Variants in LPAR3 observed in about 807,000 individuals in gnomAD.
LPAR3 encodes the protein lysophosphatidic acid receptor 3.
A neutral mutation model predicts 17.8 loss-of-function variants in LPAR3; 7 were observed. The ratio of observed to expected loss-of-function variants is 0.39; its 90% CI spans 0.22 to 0.74. LPAR3 has a LOEUF of 0.74. Ranked by LOEUF, LPAR3 falls within the 30% of genes least tolerant of loss-of-function variation. The probability of loss-of-function intolerance (pLI) is 0.40; values close to 1 mark genes in which losing one functional copy is unlikely to be tolerated. For missense variants in LPAR3, 391 were observed against 453.4 expected (o/e 0.86, Z 1.25); for synonymous variants, 179 against 179.9 (o/e 0.99, Z 0.04).
intron 2 of LPAR3, among the ~76,000 whole-genome samples, chr1:84,833,181 T>C (rs1264816249): frequency 6.6e-6 from 1 of 152,194 alleles, no homozygotes; most frequent in Non-Finnish European, 1.5e-5. Flanking sequence ...ATCATGACAC[T>C]CAAATAACAA....
At chr1:84,829,890 C>T (rs1188158644) in intron 2 of LPAR3, among the ~76,000 whole-genome samples, 1 of 152,072 alleles carries the variant, frequency 6.6e-6, no homozygotes, top group African/African-American at 2.4e-5. Flanking sequence ...AAAGCAAGGA[C>T]AGACAGGGCA....
At chr1:84,841,911 AAAAG>A (rs1218944470) in intron 2 of LPAR3, among the ~76,000 whole-genome samples, 3 of 152,208 alleles carry the variant, frequency 2.0e-5, no homozygotes, top group Admixed American at 6.5e-5. Flanking sequence ...GAAAATTTGC[AAAAG>A]AAAGAAAGAG....
chr1:84,834,789 T>G (rs1659364401), intron 2 of LPAR3, among the ~76,000 whole-genome samples: 1 of 152,146 alleles, frequency 6.6e-6, no homozygotes, highest in South Asian at 2.1e-4. Context: ...TCTTACAGGG[T>G]GCCTATCTAT....
intron 2 of LPAR3, among the ~76,000 whole-genome samples, chr1:84,861,893 C>G (rs1050292715): frequency 6.6e-6 from 1 of 152,146 alleles, no homozygotes; most frequent in African/African-American, 2.4e-5. Context: ...AATACCACAC[C>G]TGCCAAAACC....
chr1:84,868,671 C>G (rs1409445249), intron 1 of LPAR3, among the ~76,000 whole-genome samples: 1 of 151,994 alleles, frequency 6.6e-6, no homozygotes, highest in Non-Finnish European at 1.5e-5. Flanking sequence ...GGGATTAGTG[C>G]CCTTATTGAA....
chr1:84,879,068 G>A (rs1660311689), intron 1 of LPAR3, among the ~76,000 whole-genome samples: 1 of 152,152 alleles, frequency 6.6e-6, no homozygotes, highest in South Asian at 2.1e-4. Context: ...ACTTTGCATG[G>A]TTAACCTCTA....
At chr1:84,867,082 T>C (rs1369173193) in intron 1 of LPAR3, among the ~76,000 whole-genome samples, 2 of 152,206 alleles carry the variant, frequency 1.3e-5, no homozygotes, top group African/African-American at 4.8e-5. Context: ...GACCCCAAAC[T>C]GGGATATCAG....
chr1:84,867,143 A>G lies in LPAR3; in HGVS notation c.-18-1005T>C, dbSNP rs958311189. Among the ~76,000 whole-genome samples, 5 of 152,208 alleles carry G rather than the reference A, an allele frequency of 3.3e-5. No homozygotes were observed. In the South Asian group the frequency reaches 6.2e-4, roughly 19 times the overall value. Reference sequence around the variant, plus strand: ...TCAGTAAAAGATCTCTTGAATCCCAAAAGCGAGGGATCTTGGCCAAGGAAG... The same window carrying G: ...TCAGTAAAAGATCTCTTGAATCCCAGAAGCGAGGGATCTTGGCCAAGGAAG... On this transcript the variant is annotated intron_variant, in intron 1 of 2. Transcript: ENST00000370611.
chr1:84,851,696 GGA>G (rs1659717594), intron 2 of LPAR3, among the ~76,000 whole-genome samples: 1 of 152,198 alleles, frequency 6.6e-6, no homozygotes, highest in Admixed American at 6.5e-5. Flanking sequence ...AAAACTTCGA[GGA>G]GCCTCAGGCA....
At chr1:84,860,121 T>C (rs1659910631) in intron 2 of LPAR3, among the ~76,000 whole-genome samples, 1 of 152,200 alleles carries the variant, frequency 6.6e-6, no homozygotes, top group African/African-American at 2.4e-5. Flanking sequence ...AGCAAGCATT[T>C]TGCCTCAGGG....
intron 1 of LPAR3, among the ~76,000 whole-genome samples, chr1:84,869,682 C>T (rs1459369933): frequency 1.3e-5 from 2 of 151,970 alleles, no homozygotes; most frequent in African/African-American, 2.4e-5. Context: ...TAATTTTTTC[C>T]ATCTACCACA....
intron 1 of LPAR3, among the ~76,000 whole-genome samples, chr1:84,888,023 G>A (rs1193859421): frequency 1.3e-5 from 2 of 151,948 alleles, no homozygotes; most frequent in Non-Finnish European, 2.9e-5. Flanking sequence ...TGGTTATATA[G>A]GAGGACAGAG....
chr1:84,838,663 C>A (rs1373181437), intron 2 of LPAR3, among the ~76,000 whole-genome samples: 1 of 152,200 alleles, frequency 6.6e-6, no homozygotes, highest in Non-Finnish European at 1.5e-5. Flanking sequence ...GTCTCAACCT[C>A]TCTAATTCAT....
At chr1:84,828,911 T>A (rs1192703027) in intron 2 of LPAR3, among the ~76,000 whole-genome samples, 1 of 152,142 alleles carries the variant, frequency 6.6e-6, no homozygotes, top group Non-Finnish European at 1.5e-5. Flanking sequence ...ATCCAACAAG[T>A]ATTTATTAAG....
chr1:84,875,238 A>G (rs903127694), intron 1 of LPAR3, among the ~76,000 whole-genome samples: 10 of 152,178 alleles, frequency 6.6e-5, no homozygotes, highest in African/African-American at 2.2e-4. Context: ...TTCACAGCTG[A>G]AAGAGATATT....
chr1:84,876,396 A>G (rs1427060292), intron 1 of LPAR3, among the ~76,000 whole-genome samples: 1 of 152,138 alleles, frequency 6.6e-6, no homozygotes, highest in Non-Finnish European at 1.5e-5. Context: ...TGAGAGGAAC[A>G]GCAAGAGATT....
chr1:84,838,695 T>C (rs1417270452), intron 2 of LPAR3, among the ~76,000 whole-genome samples: 2 of 152,190 alleles, frequency 1.3e-5, no homozygotes, highest in African/African-American at 4.8e-5. Flanking sequence ...TGGTCAATCG[T>C]CTTTATATTA....
chr1:84,835,374 G>A (rs1188685388), intron 2 of LPAR3, among the ~76,000 whole-genome samples: 1 of 152,134 alleles, frequency 6.6e-6, no homozygotes, highest in Non-Finnish European at 1.5e-5. Flanking sequence ...AAACCCTTAA[G>A]TCTTTTGTTT....
At chr1:84,817,262 CACA>C in intron 2 of LPAR3, among the ~76,000 whole-genome samples, 2 of 12,644 alleles carry the variant, frequency 1.6e-4, no homozygotes, top group South Asian at 3.6e-3. Flanking sequence ...CAGGATCTAT[CACA>C]CACACACACA....
Sources: gnomAD v4.1 joint callset for allele counts (sites outside exome capture counted in the v4.1 genomes callset) on GRCh38, gnomAD v4.1.1 for gene constraint, MANE v1.5 for transcripts, NCBI Gene and HGNC (gene_info 2026-07-23, HGNC 2026-07-21) for gene names.